ANOS1: variants seen among roughly 807,000 people sequenced by gnomAD.
The protein encoded by ANOS1 is anosmin 1, also known as anosmin-1.
A neutral mutation model predicts 59.0 loss-of-function variants in ANOS1; 6 were observed. That is an observed-to-expected ratio of 0.10 (90% confidence interval 0.06 to 0.20). The LOEUF is 0.20. Ranked by LOEUF, ANOS1 falls within the 10% of genes least tolerant of loss-of-function variation. The pLI is 1.00. For synonymous variants in ANOS1, 217 were observed against 223.4 expected, an observed-to-expected ratio of 0.97 and a Z score of 0.25; for missense variants, 433 against 542.3, an observed-to-expected ratio of 0.80 and a Z score of 2.00.
At chrX:8,669,390 A>G (rs768625885) in intron 2 of ANOS1, among the ~76,000 whole-genome samples, 1 of 111,755 alleles carries the variant, frequency 8.9e-6, no homozygotes, top group Non-Finnish European at 1.9e-5. Context: ...TATAGTTAAT[A>G]GTAATGTATC....
intron 8 of ANOS1, chrX:8,566,035 C>T: frequency 9.3e-6 from 7 of 754,596 alleles, no homozygotes; most frequent in Non-Finnish European, 1.1e-5. Context: ...TCTGCCCATG[C>T]AATGCGCTTC....
rs772965963 is a variant in ANOS1 at position 8,650,758 on chromosome X, G to C, written c.256-27088C>G. Among the ~76,000 whole-genome samples the C allele has an allele frequency of 2.7e-5, 3 of 111,794 alleles. No individual in the cohort carries two copies. The East Asian group carries it at 8.5e-4, about 32-fold the overall frequency. On this transcript the variant is annotated intron_variant, in intron 2 of 13. Transcript: ENST00000262648. Reference sequence around the variant, plus strand: ...CAGGGGCTGATGAGAATGAATTATCGCCCACAGGAGGCTGTCCTTTTGACC... The same window carrying C: ...CAGGGGCTGATGAGAATGAATTATCCCCCACAGGAGGCTGTCCTTTTGACC...
In ANOS1 at chrX:8,532,960, C is replaced by T. The variant is rs766737985; in HGVS notation, c.*35G>A. The T allele has an allele frequency of 4.2e-5, 39 of 932,109 alleles. No individual in the cohort carries two copies. Among genetic ancestry groups the T allele is most frequent in the Non-Finnish European group, 6.1e-5 (39 of 640,751 alleles). The allele number at this position is 932,109 out of a possible 1,213,427, so 76.8% of individuals were successfully genotyped here. ...GTGGCCGAAGTTCAACAAGCTTACA[C>T]ATCTGTGCAATTTCACAAAATCTTT... On this transcript the variant is annotated 3_prime_UTR_variant, in exon 14 of 14. Coordinates refer to ENST00000262648, the MANE Select transcript of ANOS1 (RefSeq NM_000216.4).
chrX:8,714,842 T>C (rs1240670437), intron 1 of ANOS1, among the ~76,000 whole-genome samples: 1 of 112,478 alleles, frequency 8.9e-6, no homozygotes, highest in Non-Finnish European at 1.9e-5. Flanking sequence ...TGCTAATTTA[T>C]GTTATTCATT....
chrX:8,626,447 A>G (rs1411857286), intron 2 of ANOS1, among the ~76,000 whole-genome samples: 2 of 111,991 alleles, frequency 1.8e-5, no homozygotes, highest in Non-Finnish European at 3.8e-5. Context: ...TAAGACATAT[A>G]TGAGCCTGCC....
At chrX:8,598,356 C>A (rs1277391755) in intron 3 of ANOS1, among the ~76,000 whole-genome samples, 1 of 111,937 alleles carries the variant, frequency 8.9e-6, no homozygotes, top group Non-Finnish European at 1.9e-5. Context: ...TTATCAAATG[C>A]CTATTTTTCC....
At chrX:8,581,817 T>C (rs1220562021) in intron 6 of ANOS1, among the ~76,000 whole-genome samples, 1 of 112,278 alleles carries the variant, frequency 8.9e-6, no homozygotes, top group Non-Finnish European at 1.9e-5. Flanking sequence ...AAGTGCTCAC[T>C]GACATTCTTA....
chrX:8,569,449 T>C (rs949161208), intron 7 of ANOS1, among the ~76,000 whole-genome samples: 11 of 112,067 alleles, frequency 9.8e-5, no homozygotes, highest in Middle Eastern at 4.2e-3. Flanking sequence ...GAGATCATCC[T>C]GGCTAACATG....
At chrX:8,612,234 A>G (rs1273652194) in intron 3 of ANOS1, among the ~76,000 whole-genome samples, 1 of 112,167 alleles carries the variant, frequency 8.9e-6, no homozygotes, top group Non-Finnish European at 1.9e-5. Context: ...TTTACAAAAT[A>G]AACCATACAC....
chrX:8,528,996 G>T lies in ANOS1; in HGVS notation c.*3999C>A, dbSNP rs1156579924. The T allele has an allele frequency of 1.8e-5, 2 of 111,722 alleles. No homozygotes were observed. The highest frequency in any genetic ancestry group is 3.8e-5 in the Non-Finnish European group (2 of 53,220). The allele number at this position is 111,722 out of a possible 1,213,427, so 9.2% of individuals were successfully genotyped here. ...TGTTTTTTACAAAACATTTTTACAA[G>T]ATTACTTCTCTCTAAATAATGTGAC... On this transcript the variant is annotated 3_prime_UTR_variant, in exon 14 of 14. Transcript: ENST00000262648.
chrX:8,684,254 A>C (rs1010911334), intron 2 of ANOS1, among the ~76,000 whole-genome samples: 1 of 111,689 alleles, frequency 9.0e-6, no homozygotes, highest in Non-Finnish European at 1.9e-5. Flanking sequence ...AAGGGCCTTC[A>C]CAACAGGGCT....
At chrX:8,671,206 T>G (rs1234043637) in intron 2 of ANOS1, among the ~76,000 whole-genome samples, 1 of 111,753 alleles carries the variant, frequency 8.9e-6, no homozygotes, top group Non-Finnish European at 1.9e-5. Flanking sequence ...CCAGGTGTCC[T>G]GTCATGATAC....
intron 6 of ANOS1, among the ~76,000 whole-genome samples, chrX:8,579,784 C>T (rs1378327985): frequency 9.0e-6 from 1 of 111,714 alleles, no homozygotes; most frequent in Non-Finnish European, 1.9e-5. Context: ...ACCCTTAACC[C>T]CCCTCCAGCG....
chrX:8,619,230 T>TCTCATATAATC (rs762364107), intron 3 of ANOS1, among the ~76,000 whole-genome samples: 14,038 of 110,056 alleles, frequency 0.13, 1,426 homozygotes, highest in African/African-American at 0.32. Flanking sequence ...GAAAATAAAA[T>TCTCATATAATC]CTCATATAAT....
intron 1 of ANOS1, among the ~76,000 whole-genome samples, chrX:8,724,014 G>A (rs1932893673): frequency 8.9e-6 from 1 of 112,499 alleles, no homozygotes; most frequent in Non-Finnish European, 1.9e-5. Flanking sequence ...TCTTTTTACT[G>A]AAGTCATCAG....
chrX:8,577,754 G>C (rs1930354135), intron 6 of ANOS1, among the ~76,000 whole-genome samples: 1 of 111,963 alleles, frequency 8.9e-6, no homozygotes. Flanking sequence ...CAAGCACGAA[G>C]GTTTGACACA....
At chrX:8,556,733 G>A (rs746559169) in intron 8 of ANOS1, among the ~76,000 whole-genome samples, 43 of 111,872 alleles carry the variant, frequency 3.8e-4, no homozygotes, top group African/African-American at 1.3e-3. Context: ...AATCAATATC[G>A]TGAAAATGGA....
At chrX:8,619,383 A>G (rs1017926799) in intron 3 of ANOS1, among the ~76,000 whole-genome samples, 1 of 111,508 alleles carries the variant, frequency 9.0e-6, no homozygotes, top group African/African-American at 3.3e-5. Flanking sequence ...AGGCGGGCGG[A>G]TCACAAGGTC....
In ANOS1 at chrX:8,548,494, G is replaced by T. The variant is rs1260389135; in HGVS notation, c.1354+5458C>A. On this transcript the variant is annotated intron_variant, in intron 9 of 13. Transcript: ENST00000262648. The stretch of plus-strand genomic sequence containing the variant: ...TTCAAGAACTTCCTGTCACTTCAAA[G>T]AAAGTTTTAGCGTGAATATATAGAG... 4.5e-5 allele frequency among the ~76,000 whole-genome samples: 5 copies of T among 112,147 alleles called. No individual in the cohort carries two copies. The South Asian group carries it at 1.5e-3, about 33-fold the overall frequency.
Sources: gnomAD v4.1 joint callset for allele counts (sites outside exome capture counted in the v4.1 genomes callset) on GRCh38, gnomAD v4.1.1 for gene constraint, MANE v1.5 for transcripts, NCBI Gene and HGNC (gene_info 2026-07-23, HGNC 2026-07-21) for gene names.